TRIM49: variants seen among roughly 807,000 people sequenced by gnomAD.
The protein encoded by TRIM49 is tripartite motif containing 49.
TRIM49 carries 5 observed loss-of-function variants against 27.4 expected under a neutral mutation model. That is an observed-to-expected ratio of 0.18 (90% CI 0.10 to 0.38). The LOEUF is 0.38. Among genes scored for constraint, TRIM49 ranks in the 10% least tolerant of loss-of-function variants. TRIM49 has a pLI of 1.00. For missense variants in TRIM49, 188 were observed against 487.5 expected (o/e 0.39, Z 5.79); for synonymous variants, 69 against 166.0 (o/e 0.42, Z 4.49).
downstream of TRIM49, among the ~76,000 whole-genome samples, chr11:89,797,141 T>G (rs1326554337): frequency 6.6e-6 from 1 of 151,608 alleles, no homozygotes; most frequent in Non-Finnish European, 1.5e-5. Context: ...AAGTGAGCAC[T>G]TTTTTATATT....
At chr11:89,772,026 TC>T in the TRIM49 span, among the ~76,000 whole-genome samples, 2 of 124,028 alleles carry the variant, frequency 1.6e-5, no homozygotes, top group Non-Finnish European at 3.2e-5. Context: ...AATTGGAGTT[TC>T]TTCTGCTTCT....
At chr11:89,793,993 C>T (rs1392127891), downstream of TRIM49, among the ~76,000 whole-genome samples, 6 of 146,938 alleles carry the variant, frequency 4.1e-5, no homozygotes, top group Non-Finnish European at 7.5e-5. Flanking sequence ...AAAACCCCAT[C>T]GTCTCAGCCC....
chr11:89,768,141 A>G, the TRIM49 span: 1 of 1,007,006 alleles, frequency 9.9e-7, no homozygotes, highest in Admixed American at 1.8e-5. Context: ...ATAGAAAACC[A>G]TAACTGAAGG....
the TRIM49 span, among the ~76,000 whole-genome samples, chr11:89,769,447 C>T: frequency 7.3e-6 from 1 of 136,686 alleles, no homozygotes; most frequent in Non-Finnish European, 1.5e-5. Flanking sequence ...ACATTCTCTG[C>T]CTAGTTACCA....
the TRIM49 span, among the ~76,000 whole-genome samples, chr11:89,775,527 T>C: frequency 1.6e-5 from 2 of 125,358 alleles, 1 homozygote; most frequent in African/African-American, 7.8e-5. Flanking sequence ...CCATTAACTG[T>C]ATTTCTGGAT....
At chr11:89,803,047 C>T (rs958756776) in intron 4 of TRIM49, among the ~76,000 whole-genome samples, 4 of 150,618 alleles carry the variant, frequency 2.7e-5, no homozygotes, top group East Asian at 1.9e-4. Flanking sequence ...TATACATCCA[C>T]GAAGAGAAAA....
rs1319189765 is a variant in TRIM49 at position 89,803,552 on chromosome 11, G to A, written c.507+146C>T. On this transcript the variant is annotated intron_variant, in intron 4 of 7. Coordinates refer to ENST00000329758, the MANE Select transcript of TRIM49 (RefSeq NM_020358.2). ...GGCATACTATTCTATATAAAAATGAGGCCACTTTTTCTCAGTGTTTTCTCT... is the reference window on the plus strand; with the variant it reads ...GGCATACTATTCTATATAAAAATGAAGCCACTTTTTCTCAGTGTTTTCTCT... The A allele has an allele frequency of 6.8e-6, 10 of 1,477,338 alleles. No homozygotes were observed. The East Asian group carries it at 2.1e-4, about 32-fold the overall frequency. 91.5% of individuals were successfully genotyped at this position (1,477,338 alleles called of 1,614,324 possible). A position where few individuals can be genotyped will look rare whatever the true frequency, so the allele number is the denominator to read the frequency against.
chr11:89,805,167 C>A (rs1490763050), intron 2 of TRIM49, among the ~76,000 whole-genome samples: 3 of 151,428 alleles, frequency 2.0e-5, no homozygotes, highest in African/African-American at 7.3e-5. Flanking sequence ...GATATTGGGT[C>A]TTTTTATTTT....
the TRIM49 span, among the ~76,000 whole-genome samples, chr11:89,767,584 GACTTTCAT>G: frequency 1.6e-5 from 2 of 123,860 alleles, no homozygotes; most frequent in Non-Finnish European, 1.5e-5. Context: ...AGAATTATCT[GACTTTCAT>G]GCCAGATTCA....
the TRIM49 span, among the ~76,000 whole-genome samples, chr11:89,790,145 AG>A: frequency 7.7e-6 from 1 of 129,842 alleles, no homozygotes; most frequent in Admixed American, 7.8e-5. Context: ...ACGCCAACAG[AG>A]CCTCACTCAT....
the TRIM49 span, among the ~76,000 whole-genome samples, chr11:89,792,003 C>T: frequency 6.7e-6 from 1 of 148,156 alleles, no homozygotes; most frequent in African/African-American, 2.5e-5. Flanking sequence ...AAACCCATCT[C>T]ACGTGCAGAG....
chr11:89,776,910 T>C, the TRIM49 span: 1 of 1,497,380 alleles, frequency 6.7e-7, no homozygotes, highest in African/African-American at 1.4e-5. Flanking sequence ...CGGCCTTTTT[T>C]TCCTTTTCAT....
chr11:89,790,902 T>C, the TRIM49 span, among the ~76,000 whole-genome samples: 1 of 152,152 alleles, frequency 6.6e-6, no homozygotes, highest in African/African-American at 2.4e-5. Flanking sequence ...GGATGGAGAA[T>C]GATTTTGACA....
intron 6 of TRIM49, among the ~76,000 whole-genome samples, 198 bp from the exon 7 acceptor site, chr11:89,800,011 C>A (rs1230162011): frequency 6.7e-6 from 1 of 149,788 alleles, no homozygotes; most frequent in Non-Finnish European, 1.5e-5. Flanking sequence ...AGCCAGAATC[C>A]AATCTGATCC....
Position 89,798,494 on chromosome 11 carries a change from C to G in TRIM49, c.995G>C (p.Gly332Ala), listed in dbSNP as rs1302287343. ...TATPRSFLAW[G>A]VQTFTSGKYY... ...TTTGCCCGAGGTGAAAGTCTGAACA[C>G]CCCATGCAAGAAAACTTCTAGGTGT... is the stretch of plus-strand genomic sequence containing the variant. The change falls in exon 8 of 8, where the codon GGT becomes GCT. Residue 332 changes from glycine to alanine, a missense_variant. Gly to Ala is a moderately conservative substitution (Grantham distance 60). Around this residue, in one of 6 missense-constraint regions of TRIM49, gnomAD observed 94 missense variants for 149.6 expected, o/e 0.63. Transcript: ENST00000329758. The G allele has an allele frequency of 4.4e-6, 7 of 1,594,010 alleles. No homozygotes were observed. Among genetic ancestry groups the G allele is most frequent in the Non-Finnish European group, 6.0e-6 (7 of 1,173,800 alleles).
downstream of TRIM49, among the ~76,000 whole-genome samples, chr11:89,793,457 T>C (rs1949668649): frequency 6.6e-6 from 1 of 152,186 alleles, no homozygotes; most frequent in Non-Finnish European, 1.5e-5. Flanking sequence ...CCAATATCTC[T>C]GATGAACATC....
the TRIM49 span, chr11:89,786,173 C>T: frequency 9.6e-6 from 1 of 104,392 alleles, no homozygotes; most frequent in African/African-American, 4.8e-5. Context: ...GAGAGCGTAC[C>T]GGAGGAGGGC....
downstream of TRIM49, among the ~76,000 whole-genome samples, chr11:89,796,774 GGATTATTTTGCATAAATA>G (rs1420103567): frequency 9.9e-5 from 15 of 151,718 alleles, no homozygotes; most frequent in African/African-American, 3.4e-4. Context: ...TTGTTTTATA[GGATTATTTTGCATAAATA>G]CACCAAATTT....
chr11:89,773,165 T>C, the TRIM49 span, among the ~76,000 whole-genome samples: 1 of 136,208 alleles, frequency 7.3e-6, no homozygotes, highest in Non-Finnish European at 1.5e-5. Context: ...CACTCCAGCC[T>C]GGGTGACAGA....
Sources: allele counts gnomAD v4.1 joint callset (sites outside exome capture counted in the v4.1 genomes callset), GRCh38; gene constraint gnomAD v4.1.1; regional missense constraint gnomAD v4.1.1; transcripts MANE v1.5; gene names NCBI Gene and HGNC (gene_info 2026-07-23, HGNC 2026-07-21).